Variants in RORA observed in about 807,000 individuals in gnomAD.
The protein encoded by RORA is RAR related orphan receptor A, also known as nuclear receptor ROR-alpha.
A neutral mutation model predicts 69.5 loss-of-function variants in RORA; 7 were observed. The ratio of observed to expected loss-of-function variants is 0.10; its 90% confidence interval spans 0.06 to 0.19. The LOEUF (loss-of-function observed/expected upper bound fraction) is 0.19. Among genes scored for constraint, RORA ranks in the 10% least tolerant of loss-of-function variants. The pLI is 1.00. For missense variants in RORA, 457 were observed against 663.0 expected, an observed-to-expected ratio of 0.69 and a Z score of 3.41; for synonymous variants, 261 against 240.8, an observed-to-expected ratio of 1.08 and a Z score of -0.78.
intron 1 of RORA, among the ~76,000 whole-genome samples, chr15:60,699,600 C>G (rs1046492800): frequency 3.3e-5 from 5 of 152,182 alleles, no homozygotes; most frequent in Non-Finnish European, 7.3e-5. Context: ...TTTGGGGCAT[C>G]TACTTCTTAA....
At chr15:60,858,692 TACACACACAC>T (rs3053884) in intron 1 of RORA, among the ~76,000 whole-genome samples, 29 of 142,920 alleles carry the variant, frequency 2.0e-4, no homozygotes, top group African/African-American at 6.8e-4. Context: ...AGAAAGAAAA[TACACACACAC>T]ACACACACAC....
In RORA at chr15:60,687,011, T is replaced by A. The variant is rs1315530797; in HGVS notation, c.167-8325A>T. The A allele has an allele frequency of 2.0e-5, 3 of 152,172 alleles. No homozygotes were observed. In the East Asian group the frequency reaches 5.8e-4, roughly 29 times the overall value. 9.4% of individuals were successfully genotyped at this position (152,172 alleles called of 1,614,324 possible). On this transcript the variant is annotated intron_variant, in intron 1 of 10. Coordinates refer to ENST00000335670, the MANE Select transcript of RORA (RefSeq NM_134261.3). ...GTCTGCAGCTCCCCCCAGAACGAAG[T>A]CTGCTACTGATGGCAGAAGCATAGA...
chr15:60,708,232 A>C (rs1024390034), intron 1 of RORA, among the ~76,000 whole-genome samples: 1 of 151,150 alleles, frequency 6.6e-6, no homozygotes, highest in African/African-American at 2.5e-5. Context: ...ATGTAGCCTG[A>C]CCAACATGGT....
chr15:61,060,282 C>T (rs2078164350), intron 1 of RORA, among the ~76,000 whole-genome samples: 2 of 152,280 alleles, frequency 1.3e-5, no homozygotes, highest in South Asian at 2.1e-4. Flanking sequence ...GCCTGGCAAA[C>T]ATGTCCCTGG....
intron 2 of RORA, among the ~76,000 whole-genome samples, chr15:60,615,612 C>G (rs1308248287): frequency 2.0e-5 from 3 of 152,170 alleles, no homozygotes; most frequent in East Asian, 3.9e-4. Context: ...TGTGAGCTCA[C>G]GATAGCCCAG....
At chr15:60,644,185 T>C (rs2069995297) in intron 2 of RORA, among the ~76,000 whole-genome samples, 1 of 152,192 alleles carries the variant, frequency 6.6e-6, no homozygotes, top group Admixed American at 6.5e-5. Context: ...GAGAGAGGAC[T>C]ATTTTACCAA....
chr15:60,617,611 A>G (rs2038217838), intron 2 of RORA, among the ~76,000 whole-genome samples: 1 of 150,774 alleles, frequency 6.6e-6, no homozygotes, highest in Non-Finnish European at 1.5e-5. Context: ...GGAAGGAAGA[A>G]AGAGTAAAGA....
chr15:60,526,069 A>G (rs2066344810), intron 3 of RORA, among the ~76,000 whole-genome samples: 8 of 152,208 alleles, frequency 5.3e-5, no homozygotes, highest in Admixed American at 5.2e-4. Flanking sequence ...ATATGAGGAA[A>G]AAAAGTTGTT....
At chr15:60,592,562 G>T (rs2068561960) in intron 2 of RORA, 2 of 1,244,234 alleles carry the variant, frequency 1.6e-6, no homozygotes, top group Non-Finnish European at 2.0e-6. Flanking sequence ...GCCATAAGAG[G>T]CTCCATGTGA....
intron 1 of RORA, among the ~76,000 whole-genome samples, chr15:61,111,816 G>A (rs2079008756): frequency 6.6e-6 from 1 of 152,084 alleles, no homozygotes; most frequent in Non-Finnish European, 1.5e-5. Context: ...AATCCCTTTG[G>A]CATGCTATTC....
chr15:60,558,052 G>A (rs2067418458), intron 2 of RORA: 1 of 423,912 alleles, frequency 2.4e-6, no homozygotes, highest in Non-Finnish European at 4.2e-6. Context: ...AACCTTAGTA[G>A]TGCCAATGAC....
At chr15:60,842,744 A>C (rs2073215669) in intron 1 of RORA, among the ~76,000 whole-genome samples, 1 of 125,668 alleles carries the variant, frequency 8.0e-6, no homozygotes, top group African/African-American at 3.0e-5. Flanking sequence ...ACCCCCTCCC[A>C]AACCCAAACT....
intron 1 of RORA, among the ~76,000 whole-genome samples, chr15:61,125,087 T>G (rs770102185): frequency 2.0e-5 from 3 of 152,224 alleles, no homozygotes; most frequent in Non-Finnish European, 4.4e-5. Context: ...GATTGCAATG[T>G]TGGTGGTGAT....
At chr15:60,684,875 T>G (rs921191141) in intron 1 of RORA, among the ~76,000 whole-genome samples, 2 of 151,800 alleles carry the variant, frequency 1.3e-5, no homozygotes, top group African/African-American at 4.8e-5. Context: ...GCAAGATGTC[T>G]GAGTTAAAGA....
In RORA at chr15:61,038,653, G is replaced by A. The variant is rs1179547144; in HGVS notation, c.166+190400C>T. Among the ~76,000 whole-genome samples the A allele has an allele frequency of 2.0e-5, 3 of 152,348 alleles. No individual in the cohort carries two copies. In the East Asian group the frequency reaches 5.8e-4, roughly 29 times the overall value. On this transcript the variant is annotated intron_variant, in intron 1 of 10. Coordinates refer to ENST00000335670, the MANE Select transcript of RORA (RefSeq NM_134261.3). ...TTCCTGGCAAGATGCCAAAGACACAGCACTGCATTGTGTTTGCTAAGGCAA... is the reference window on the plus strand; with the variant it reads ...TTCCTGGCAAGATGCCAAAGACACAACACTGCATTGTGTTTGCTAAGGCAA...
intron 1 of RORA, among the ~76,000 whole-genome samples, chr15:61,083,101 G>A (rs1421174279): frequency 6.6e-6 from 1 of 152,160 alleles, no homozygotes; most frequent in Non-Finnish European, 1.5e-5. Flanking sequence ...TGGAATTGTT[G>A]TGAAAGCTGT....
chr15:60,656,215 A>G (rs1273778322), intron 2 of RORA, among the ~76,000 whole-genome samples: 1 of 152,190 alleles, frequency 6.6e-6, no homozygotes, highest in Non-Finnish European at 1.5e-5. Flanking sequence ...TACGGAAACC[A>G]GGCCTAGCTG....
intron 2 of RORA, among the ~76,000 whole-genome samples, chr15:60,654,994 T>C (rs2070198803): frequency 1.3e-5 from 2 of 152,164 alleles, no homozygotes; most frequent in Non-Finnish European, 2.9e-5. Context: ...TATTTTGTTA[T>C]AAAAGCCATA....
At chr15:60,855,984 C>A (rs1292513152) in intron 1 of RORA, among the ~76,000 whole-genome samples, 1 of 150,984 alleles carries the variant, frequency 6.6e-6, no homozygotes, top group East Asian at 1.9e-4. Flanking sequence ...GTGTAGATTT[C>A]TGGGCTAACC....
Sources: gnomAD v4.1 joint callset for allele counts (sites outside exome capture counted in the v4.1 genomes callset) on GRCh38, gnomAD v4.1.1 for gene constraint, MANE v1.5 for transcripts, NCBI Gene and HGNC (gene_info 2026-07-23, HGNC 2026-07-21) for gene names.